GNB1: variants seen among roughly 807,000 people sequenced by gnomAD.
The protein encoded by GNB1 is guanine nucleotide-binding protein G(I)/G(S)/G(T) subunit beta-1.
A neutral mutation model predicts 42.9 loss-of-function variants in GNB1; 2 were observed. The ratio of observed to expected loss-of-function variants is 0.05; its 90% CI spans 0.02 to 0.15. GNB1 has a LOEUF of 0.15. Among genes scored for constraint, GNB1 ranks in the 10% least tolerant of loss-of-function variants. GNB1 has a pLI of 1.00. For missense variants in GNB1, 193 were observed against 462.2 expected (o/e 0.42, Z 5.34); for synonymous variants, 183 against 174.7 (o/e 1.05, Z -0.38).
intron 1 of GNB1, among the ~76,000 whole-genome samples, chr1:1,840,231 AAG>A (rs1277141997): frequency 7.1e-6 from 1 of 140,762 alleles, no homozygotes; most frequent in Non-Finnish European, 1.6e-5. Flanking sequence ...CCGTCTCGAA[AAG>A]AAAAAAAAAA....
intron 1 of GNB1, among the ~76,000 whole-genome samples, chr1:1,874,529 C>T (rs962546269): frequency 4.8e-5 from 7 of 145,212 alleles, no homozygotes; most frequent in Admixed American, 7.5e-5. Context: ...ACTGCTTGAA[C>T]CTTGGAGGCA....
intron 2 of GNB1, among the ~76,000 whole-genome samples, chr1:1,830,222 AT>A (rs1647056682): frequency 6.6e-6 from 1 of 151,506 alleles, no homozygotes; most frequent in South Asian, 2.1e-4. Context: ...ACAAAGAAAC[AT>A]TTTTTTCTTT....
Position 1,870,050 on chromosome 1 carries a change from G to A in GNB1, c.-96+20770C>T, listed in dbSNP as rs181924807. 5.9e-3 allele frequency among the ~76,000 whole-genome samples: 895 copies of A among 152,124 alleles called. 4 individuals are homozygous for A. Among genetic ancestry groups the A allele is most frequent in the African/African-American group, 0.015 (633 of 41,510 alleles). On this transcript the variant is annotated intron_variant, in intron 1 of 11. Transcript: ENST00000378609. ...GCTAATTTTTGTTTTTAGTAGAGACGGGGTTTCACCATATTGGCCAGGCTG... is the reference window on the plus strand; with the variant it reads ...GCTAATTTTTGTTTTTAGTAGAGACAGGGTTTCACCATATTGGCCAGGCTG...
intron 1 of GNB1, among the ~76,000 whole-genome samples, chr1:1,873,448 G>A (rs950776425): frequency 6.6e-6 from 1 of 152,178 alleles, no homozygotes; most frequent in African/African-American, 2.4e-5. Context: ...ACTGTTAATT[G>A]CCCTTGCTAG....
At chr1:1,818,870 A>C (rs989361433) in intron 3 of GNB1, among the ~76,000 whole-genome samples, 3 of 152,146 alleles carry the variant, frequency 2.0e-5, no homozygotes, top group Non-Finnish European at 2.9e-5. Flanking sequence ...CTCAAAAAAA[A>C]CAAAAATAAT....
intron 8 of GNB1, 90 bp downstream of exon 8, chr1:1,793,155 T>C: frequency 1.3e-6 from 1 of 741,080 alleles, no homozygotes; most frequent in South Asian, 1.7e-5. Flanking sequence ...TAATATTATG[T>C]CAAGAACCTT....
In GNB1 at chr1:1,834,321, C is replaced by T. The variant is rs568242619; in HGVS notation, c.-47+4869G>A. ...TCCCAGAAGTGGCTACTGACTCTCC[C>T]GAAGCCTTATTATTTCTCATGCATC... On this transcript the variant is annotated intron_variant, in intron 2 of 11. Coordinates refer to ENST00000378609, the MANE Select transcript of GNB1 (RefSeq NM_002074.5). Among the ~76,000 whole-genome samples, 82 of 152,234 alleles carry T rather than the reference C, an allele frequency of 5.4e-4. 1 individual carries two copies. Among genetic ancestry groups the T allele is most frequent in the South Asian group, 4.6e-3 (22 of 4,818 alleles).
chr1:1,823,242 GAAAAAA>G (rs745874003), intron 3 of GNB1, among the ~76,000 whole-genome samples: 1 of 36,844 alleles, frequency 2.7e-5, no homozygotes, highest in African/African-American at 9.4e-5. Context: ...ACTGTCTCCA[GAAAAAA>G]AAAAAAAAAA....
chr1:1,838,549 A>G (rs1570694772), intron 2 of GNB1, among the ~76,000 whole-genome samples: 1 of 150,194 alleles, frequency 6.7e-6, no homozygotes, highest in South Asian at 2.1e-4. Context: ...GGTTCACATC[A>G]TTCTCCTGAC....
rs1353378279 is a variant in GNB1, at chr1:1,785,617, A to C, written c.*1446T>G. On this transcript the variant is annotated 3_prime_UTR_variant, in exon 12 of 12. Coordinates refer to ENST00000378609, the MANE Select transcript of GNB1 (RefSeq NM_002074.5). ...GGGGGTCCCACAGAACCTGCTTTCC[A>C]AACGCTGCTGCTGAACACTGGCCTT... 1 of 196,986 alleles carries C rather than the reference A, an allele frequency of 5.1e-6. No homozygotes were observed. The highest frequency in any genetic ancestry group is 1.1e-4 in the East Asian group (1 of 9,068). The allele number at this position is 196,986 out of a possible 1,614,324, so 12.2% of individuals were successfully genotyped here.
intron 1 of GNB1, among the ~76,000 whole-genome samples, chr1:1,850,388 T>C (rs1490962306): frequency 6.6e-6 from 1 of 151,732 alleles, no homozygotes; most frequent in Admixed American, 6.6e-5. Flanking sequence ...CACCTCGGCC[T>C]CCCCAAAGTG....
rs747183517 is a variant in GNB1, at chr1:1,815,789, T to G, written c.170A>C (p.Lys57Thr). 6.2e-7 allele frequency: 1 copy of G among 1,608,322 alleles called. No individual in the cohort carries two copies. ...TGTGCCCCAGTGCATGGCGTAGATCTTGGCCAGGTGCCCCCGCAGTGTCCT... is the reference window on the plus strand; with the variant it reads ...TGTGCCCCAGTGCATGGCGTAGATCGTGGCCAGGTGCCCCCGCAGTGTCCT... The part of the protein sequence containing the change: ...TRRTLRGHLA[K>T]IYAMHWGTDS... Residue 57 changes from lysine (K) to threonine (T), a missense_variant, in exon 5 of 12, where the codon AAG becomes ACG. Around this residue, in one of 2 missense-constraint regions of GNB1, gnomAD observed 150 missense variants for 410.8 expected, o/e 0.37. Transcript: ENST00000378609.
chr1:1,866,893 G>A (rs1648971827), intron 1 of GNB1, among the ~76,000 whole-genome samples: 1 of 152,062 alleles, frequency 6.6e-6, no homozygotes, highest in Non-Finnish European at 1.5e-5. Context: ...GGCGGAGCTT[G>A]CAGTGAGCTG....
chr1:1,850,769 G>A (rs1426256738), intron 1 of GNB1, among the ~76,000 whole-genome samples: 1 of 151,974 alleles, frequency 6.6e-6, no homozygotes, highest in African/African-American at 2.4e-5. Flanking sequence ...CTCTTAACAA[G>A]AAATCGCTTT....
chr1:1,816,581 G>T (rs1032854127), intron 4 of GNB1, among the ~76,000 whole-genome samples: 7 of 150,528 alleles, frequency 4.7e-5, no homozygotes, highest in Non-Finnish European at 7.4e-5. Context: ...ATCTTCAGTA[G>T]AAGTAGGAAT....
intron 2 of GNB1, among the ~76,000 whole-genome samples, chr1:1,829,613 C>A (rs2101039157): frequency 6.6e-6 from 1 of 152,274 alleles, no homozygotes; most frequent in Middle Eastern, 3.4e-3. Context: ...CATAAACAGC[C>A]TTCTCAGTGG....
At chr1:1,867,231 C>T (rs1180143015) in intron 1 of GNB1, among the ~76,000 whole-genome samples, 1 of 152,194 alleles carries the variant, frequency 6.6e-6, no homozygotes, top group Non-Finnish European at 1.5e-5. Flanking sequence ...CAGGCCACTT[C>T]ACCCCAGCCT....
At chr1:1,870,366 G>A (rs972921376) in intron 1 of GNB1, among the ~76,000 whole-genome samples, 2 of 152,042 alleles carry the variant, frequency 1.3e-5, no homozygotes, top group African/African-American at 4.8e-5. Flanking sequence ...TAGAGACAGG[G>A]TCTCACTACA....
At chr1:1,845,840 C>G (rs200854920) in intron 1 of GNB1, among the ~76,000 whole-genome samples, 20,560 of 92,528 alleles carry the variant, frequency 0.22, 1,643 homozygotes, top group Middle Eastern at 0.38. Context: ...CACACACACA[C>G]ACACACACAC....
Sources: gnomAD v4.1 joint callset for allele counts (sites outside exome capture counted in the v4.1 genomes callset) on GRCh38, gnomAD v4.1.1 for gene constraint, gnomAD v4.1.1 regional missense constraint, MANE v1.5 for transcripts, NCBI Gene and HGNC (gene_info 2026-07-23, HGNC 2026-07-21) for gene names.